Variants in CPQ observed in about 807,000 individuals in gnomAD.
CPQ encodes Ser-Met dipeptidase.
Under a neutral mutation model 45.7 loss-of-function variants are expected in CPQ, and 37 were observed. The observed-to-expected ratio is 0.81, with a 90% CI of 0.62 to 1.07. CPQ has a LOEUF of 1.07. Among genes scored for constraint, CPQ ranks in the 50% least tolerant of loss-of-function variants. CPQ has a pLI of 0.00. For missense variants in CPQ, 537 were observed against 572.9 expected, an observed-to-expected ratio of 0.94 and a Z score of 0.64; for synonymous variants, 186 against 205.8, an observed-to-expected ratio of 0.90 and a Z score of 0.82.
Position 96,853,402 on chromosome 8 carries a change from A to G in CPQ, c.641+18222A>G, listed in dbSNP as rs1017361076. On this transcript the variant is annotated intron_variant, in intron 3 of 7. Coordinates refer to ENST00000220763, the MANE Select transcript of CPQ (RefSeq NM_016134.4). ...TGGAATTTCTCCTGTGAAGACTGGT[A>G]ATTCATGTGACATTTGCTGTTTGCT... Among the ~76,000 whole-genome samples the G allele has an allele frequency of 3.3e-5, 5 of 152,366 alleles. No homozygotes were observed. In the South Asian group the frequency reaches 8.3e-4, roughly 25 times the overall value.
intron 3 of CPQ, among the ~76,000 whole-genome samples, chr8:96,842,503 A>G (rs1311512750): frequency 2.0e-5 from 2 of 101,448 alleles, no homozygotes; most frequent in Non-Finnish European, 4.0e-5. Context: ...GCCAATTCTC[A>G]TCATTCATGC....
chr8:96,940,050 G>A (rs937041044), intron 4 of CPQ, among the ~76,000 whole-genome samples: 2 of 152,056 alleles, frequency 1.3e-5, no homozygotes, highest in Admixed American at 6.6e-5. Context: ...CTTAATGAGA[G>A]TCTGACTCTG....
chr8:96,969,581 G>A (rs1813628409), intron 5 of CPQ, among the ~76,000 whole-genome samples: 1 of 151,548 alleles, frequency 6.6e-6, no homozygotes, highest in South Asian at 2.1e-4. Context: ...AGAAATTCCT[G>A]AGATGAACAG....
At position 96,746,095 on chromosome 8, in the gene CPQ, T is replaced by C. The variant is rs368866695; in HGVS notation, c.-34-38769T>C. 1.6e-4 allele frequency among the ~76,000 whole-genome samples: 25 copies of C among 152,292 alleles called. No individual in the cohort carries two copies. The East Asian group carries it at 4.6e-3, about 28-fold the overall frequency. On this transcript the variant is annotated intron_variant, in intron 1 of 7. Transcript: ENST00000220763. ...CTCCTTAACTCACTGCAGTGTTATGTGATGTGTACAGGTGGGGACTTTAAT... is the reference window on the plus strand; with the variant it reads ...CTCCTTAACTCACTGCAGTGTTATGCGATGTGTACAGGTGGGGACTTTAAT...
chr8:96,664,264 G>T (rs1158933509), intron 1 of CPQ, among the ~76,000 whole-genome samples: 6 of 152,176 alleles, frequency 3.9e-5, no homozygotes, highest in Non-Finnish European at 7.4e-5. Flanking sequence ...GGAAAGGAGG[G>T]TGGGCAGTTC....
chr8:97,046,588 A>T (rs1052065038), intron 6 of CPQ, among the ~76,000 whole-genome samples: 2 of 152,216 alleles, frequency 1.3e-5, no homozygotes, highest in Non-Finnish European at 2.9e-5. Flanking sequence ...TTAAAACGGG[A>T]GTGTAATTTG....
chr8:97,059,803 A>G (rs1810516836), intron 6 of CPQ, among the ~76,000 whole-genome samples: 1 of 152,138 alleles, frequency 6.6e-6, no homozygotes, highest in Admixed American at 6.6e-5. Flanking sequence ...AAACAGCATC[A>G]CCACCATTAT....
chr8:96,911,991 G>A (rs889720363), intron 4 of CPQ, among the ~76,000 whole-genome samples: 2 of 152,136 alleles, frequency 1.3e-5, no homozygotes, highest in Non-Finnish European at 2.9e-5. Context: ...TTCCCCATCT[G>A]TAAAGTGATG....
intron 4 of CPQ, among the ~76,000 whole-genome samples, chr8:96,951,757 G>T (rs1423239731): frequency 1.3e-5 from 2 of 152,000 alleles, no homozygotes; most frequent in Non-Finnish European, 2.9e-5. Flanking sequence ...CAAACTGGCA[G>T]TGCATAGTAC....
At chr8:97,060,145 G>C (rs988282251) in intron 6 of CPQ, among the ~76,000 whole-genome samples, 2 of 152,108 alleles carry the variant, frequency 1.3e-5, no homozygotes. Flanking sequence ...TATTGAACTT[G>C]GGTCTATGTT....
intron 7 of CPQ, among the ~76,000 whole-genome samples, chr8:97,079,526 C>T (rs1006911011): frequency 6.6e-6 from 1 of 152,024 alleles, no homozygotes; most frequent in African/African-American, 2.4e-5. Flanking sequence ...AGGGAGTTTC[C>T]TTTGCCCAAA....
At chr8:96,831,860 TG>T (rs1307334258) in intron 2 of CPQ, among the ~76,000 whole-genome samples, 1 of 152,164 alleles carries the variant, frequency 6.6e-6, no homozygotes, top group African/African-American at 2.4e-5. Flanking sequence ...TACCCACATG[TG>T]GCTATTTAAA....
intron 3 of CPQ, among the ~76,000 whole-genome samples, chr8:96,851,222 C>T (rs983115585): frequency 6.6e-6 from 1 of 152,114 alleles, no homozygotes; most frequent in Non-Finnish European, 1.5e-5. Flanking sequence ...TTGAGAGAGT[C>T]GTGAGATAAC....
At chr8:97,006,658 A>G (rs538606543) in intron 5 of CPQ, among the ~76,000 whole-genome samples, 1 of 152,320 alleles carries the variant, frequency 6.6e-6, no homozygotes, top group East Asian at 1.9e-4. Flanking sequence ...CAAACAAGAA[A>G]AAGTAAGGAA....
chr8:96,808,802 A>G (rs200240634), intron 2 of CPQ, among the ~76,000 whole-genome samples: 2 of 152,220 alleles, frequency 1.3e-5, no homozygotes, highest in East Asian at 3.9e-4. Context: ...CCCTCAAATG[A>G]GGTCAATAGT....
intron 2 of CPQ, among the ~76,000 whole-genome samples, chr8:96,812,543 G>T (rs1281668120): frequency 6.6e-6 from 1 of 152,140 alleles, no homozygotes; most frequent in African/African-American, 2.4e-5. Flanking sequence ...TGACTGGGAA[G>T]TAGGATCTCT....
intron 2 of CPQ, among the ~76,000 whole-genome samples, chr8:96,807,897 T>C (rs1195454852): frequency 6.6e-6 from 1 of 152,174 alleles, no homozygotes; most frequent in Non-Finnish European, 1.5e-5. Context: ...TTTTCCCACT[T>C]CAGTTTGTCA....
intron 1 of CPQ, among the ~76,000 whole-genome samples, chr8:96,691,711 G>T (rs897770890): frequency 1.3e-5 from 2 of 152,142 alleles, no homozygotes; most frequent in Admixed American, 6.6e-5. Context: ...TCCATTGCTG[G>T]GAAATATGTT....
intron 3 of CPQ, among the ~76,000 whole-genome samples, chr8:96,861,914 G>T (rs779630763): frequency 2.6e-5 from 4 of 152,128 alleles, no homozygotes; most frequent in African/African-American, 4.8e-5. Context: ...GATACAGGTA[G>T]AGGGAGAAAG....
Sources: allele counts gnomAD v4.1 joint callset (sites outside exome capture counted in the v4.1 genomes callset), GRCh38; gene constraint gnomAD v4.1.1; transcripts MANE v1.5; gene names NCBI Gene and HGNC (gene_info 2026-07-23, HGNC 2026-07-21).